ZNF687: variants seen among roughly 807,000 people sequenced by gnomAD.
ZNF687 encodes zinc finger protein 687.
A neutral mutation model predicts 71.8 loss-of-function variants in ZNF687; 13 were observed. The observed-to-expected ratio is 0.18, with a 90% CI of 0.12 to 0.29. The LOEUF is 0.29. Ranked by LOEUF, ZNF687 falls within the 10% of genes least tolerant of loss-of-function variation. The pLI, the probability that ZNF687 is intolerant of heterozygous loss-of-function variation, is 1.00. For missense variants in ZNF687, 1,412 were observed against 1,625.6 expected (o/e 0.87, Z 2.26); for synonymous variants, 673 against 641.6 (o/e 1.05, Z -0.74).
At position 151,287,063 on chromosome 1, in the gene ZNF687, G is replaced by A; in HGVS notation, c.772G>A (p.Ala258Thr). 6.2e-7 allele frequency: 1 copy of A among 1,611,972 alleles called. No homozygotes were observed. The highest frequency in any genetic ancestry group is 1.1e-5 in the South Asian group (1 of 91,006). ...TGCCAGTGCCTCGCCTCCCCCAGTT[G>A]CTGGGGTGCCCTTCTTCAAGCAGTC... ...IPASASPPPV[A>T]GVPFFKQSPG... The change falls in exon 2 of 9, where the codon GCT becomes ACT. Residue 258 changes from alanine (A) to threonine (T), a missense_variant. This residue lies in a region of ZNF687 where 490 missense variants were observed against 489.9 expected (regional missense o/e 1.00). Transcript: ENST00000336715. This position sits in a 1 kb window ranked among gnomAD's most constrained non-coding sequence, Gnocchi z 5.0.
At position 151,286,840 on chromosome 1, in the gene ZNF687, T is replaced by C. The variant is rs1012616032; in HGVS notation, c.549T>C (p.Ser183=). 6.2e-7 allele frequency: 1 copy of C among 1,613,828 alleles called. No individual in the cohort carries two copies. The highest frequency in any genetic ancestry group is 1.3e-5 in the African/African-American group (1 of 74,932). The part of the protein sequence containing the change: ...HSDPLPPSAP[S]PTREGALTPP... ...ATCCGCTGCCTCCCTCTGCACCCTC[T>C]CCCACTCGGGAGGGGGCTCTGACCC... Residue 183 remains serine, a synonymous_variant, in exon 2 of 9, where the codon TCT becomes TCC. Coordinates refer to ENST00000336715, the MANE Select transcript of ZNF687 (RefSeq NM_020832.3).
intron 1 of ZNF687, chr1:151,283,927 G>C: frequency 1.0e-6 from 1 of 985,412 alleles, no homozygotes; most frequent in Non-Finnish European, 1.2e-6. Flanking sequence ...GCAGGGAATG[G>C]ATAGGGATAG....
intron 1 of ZNF687, among the ~76,000 whole-genome samples, chr1:151,282,879 A>C (rs1693778266): frequency 6.6e-6 from 1 of 152,022 alleles, no homozygotes; most frequent in Non-Finnish European, 1.5e-5. Context: ...AGCCTCCGGG[A>C]GTGCGCGGCG....
rs1694010786 is a variant in ZNF687 at position 151,287,647 on chromosome 1, T to A, written c.1356T>A (p.Ala452=). 6.2e-7 allele frequency: 1 copy of A among 1,613,230 alleles called. No individual in the cohort carries two copies. The highest frequency in any genetic ancestry group is 8.5e-7 in the Non-Finnish European group (1 of 1,179,664). ...TGGTGCCCCAAGCCCTGCCTAAGGC[T>A]GACGGGCGGGCAGGGCTGGGGACTG... ...LGLVPQALPK[A]DGRAGLGTGG... The change falls in exon 2 of 9, where the codon GCT becomes GCA. Residue 452 remains alanine (A), a synonymous_variant. Coordinates refer to ENST00000336715, the MANE Select transcript of ZNF687 (RefSeq NM_020832.3). The surrounding 1 kb of genome is among the most constrained non-coding windows in gnomAD (Gnocchi z 5.0).
At chr1:151,281,522 G>A (rs962360184), upstream of ZNF687, 5 of 470,930 alleles carry the variant, frequency 1.1e-5, no homozygotes, top group Non-Finnish European at 1.8e-5. Context: ...CCCCGCTTCC[G>A]GTCCGCGAGC....
chr1:151,286,999 A>G lies in ZNF687; in HGVS notation c.708A>G (p.Gln236=), dbSNP rs1400939748. 5 of 1,602,076 alleles carry G rather than the reference A, an allele frequency of 3.1e-6. No individual in the cohort carries two copies. The highest frequency in any genetic ancestry group is 2.6e-6 in the Non-Finnish European group (3 of 1,172,500). ...CSPHHPQVLA[Q]QGSGSSPKAT... is the part of the protein sequence containing the mutation. ...CCCATCATCCCCAGGTCCTAGCCCA[A>G]CAAGGCTCAGGCTCCAGCCCTAAGG... Residue 236 remains glutamine (Q), a synonymous_variant, in exon 2 of 9, where the codon CAA becomes CAG. Transcript: ENST00000336715.
At chr1:151,290,372 A>G (rs2101885537) in intron 7 of ZNF687, 60 bp from the exon 8 acceptor site, 1 of 1,613,208 alleles carries the variant, frequency 6.2e-7, no homozygotes, top group South Asian at 1.1e-5. Flanking sequence ...CCTCCTCAGA[A>G]GCAAGGGCCC....
In ZNF687 at chr1:151,282,349, G is replaced by C; in HGVS notation, c.-64G>C. ...GGCGGCGGTGGCTGCAGCGGCTGGA[G>C]CGGGGTAGAGACCGCCGGGTCTCGG... On this transcript the variant is annotated 5_prime_UTR_variant, in exon 1 of 9. Coordinates refer to ENST00000336715, the MANE Select transcript of ZNF687 (RefSeq NM_020832.3). 1.0e-6 allele frequency: 1 copy of C among 999,652 alleles called. No individual in the cohort carries two copies. Among genetic ancestry groups the C allele is most frequent in the Non-Finnish European group, 1.2e-6 (1 of 836,560 alleles). 61.9% of individuals were successfully genotyped at this position (999,652 alleles called of 1,614,324 possible). A position where few individuals can be genotyped will look rare whatever the true frequency, so the allele number is the denominator to read the frequency against.
chr1:151,289,620 G>A (rs1215281340), intron 5 of ZNF687, 58 bp from the exon 6 acceptor site: 2 of 1,604,716 alleles, frequency 1.2e-6, no homozygotes, highest in East Asian at 4.5e-5. Flanking sequence ...GAAGTGGGGG[G>A]CTTTGGCATA....
intron 1 of ZNF687, among the ~76,000 whole-genome samples, chr1:151,284,449 C>T (rs1041521557): frequency 6.6e-6 from 1 of 152,142 alleles, no homozygotes; most frequent in Non-Finnish European, 1.5e-5. Flanking sequence ...TCCCCTCTGT[C>T]TCTTCTCTTT....
In ZNF687 at chr1:151,287,104, C is replaced by T. The variant is rs763271502; in HGVS notation, c.813C>T (p.Ser271=). Residue 271 remains serine, a synonymous_variant, in exon 2 of 9, where the codon AGC becomes AGT. Transcript: ENST00000336715. The surrounding 1 kb of genome is among the most constrained non-coding windows in gnomAD (Gnocchi z 5.0). ...TCAAGCAGTCTCCAGGGCACCAGAG[C>T]CCTCTTGCCTCCCCCAAAGTGCCCG... ...PFFKQSPGHQ[S]PLASPKVPVC... The T allele has an allele frequency of 6.2e-7, 1 of 1,613,854 alleles. No homozygotes were observed. The highest frequency in any genetic ancestry group is 1.3e-5 in the African/African-American group (1 of 74,908).
In ZNF687 at chr1:151,291,280, C is replaced by G. The variant is rs587724226; in HGVS notation, c.*71C>G. ...TTTTCCCTACTGCTGCCTGATCCCT[C>G]GGCTGGGGAGTTTTCATTAACATTA... On this transcript the variant is annotated 3_prime_UTR_variant, in exon 9 of 9. Transcript: ENST00000336715. 33 of 1,509,520 alleles carry G rather than the reference C, an allele frequency of 2.2e-5. 1 individual carries two copies. In the African/African-American group the frequency reaches 4.5e-4, roughly 20 times the overall value. The allele number at this position is 1,509,520 out of a possible 1,614,324, so 93.5% of individuals were successfully genotyped here.
chr1:151,284,389 C>A, intron 1 of ZNF687: 1 of 429,654 alleles, frequency 2.3e-6, no homozygotes. Flanking sequence ...GTGTTTGTGA[C>A]AGGAGAGGTC....
rs764664257 is a variant in ZNF687 at position 151,288,694 on chromosome 1, G to A, written c.2282G>A (p.Arg761His). The A allele has an allele frequency of 1.1e-5, 17 of 1,612,754 alleles. No homozygotes were observed. The highest frequency in any genetic ancestry group is 1.2e-5 in the Non-Finnish European group (14 of 1,179,250). ...LREACLHVSR[R>H]VGYRCPSCSV... Reference sequence around the variant, plus strand: ...GAGGCCTGTCTGCACGTCTCTCGCCGTGTAGGATACAGGTGCCTCGGACCC... The same window carrying A: ...GAGGCCTGTCTGCACGTCTCTCGCCATGTAGGATACAGGTGCCTCGGACCC... Residue 761 changes from arginine to histidine, a missense_variant, in exon 3 of 9, where the codon CGT becomes CAT. Coordinates refer to ENST00000336715, the MANE Select transcript of ZNF687 (RefSeq NM_020832.3).
rs1256611886 is a variant in ZNF687 at position 151,289,188 on chromosome 1, C to T, written c.2388C>T (p.Ile796=). ...SHCEVFHKCP[I]CPMAFKSGPS... The stretch of plus-strand genomic sequence containing the variant: ...GCGAGGTTTTCCACAAGTGCCCCAT[C>T]TGCCCCATGGCCTTCAAGTCTGGGC... The change falls in exon 4 of 9, where the codon ATC becomes ATT. Residue 796 remains isoleucine, a synonymous_variant. Transcript: ENST00000336715. 2 of 1,614,246 alleles carry T rather than the reference C, an allele frequency of 1.2e-6. No individual in the cohort carries two copies. Among genetic ancestry groups the T allele is most frequent in the South Asian group, 1.1e-5 (1 of 91,090 alleles).
At chr1:151,283,943 T>G in intron 1 of ZNF687, 2 of 985,412 alleles carry the variant, frequency 2.0e-6, no homozygotes, top group Non-Finnish European at 2.4e-6. Context: ...GATAGACTCT[T>G]TAGTTGCTTC....
In ZNF687 at chr1:151,291,529, A is replaced by C. The variant is rs1006066282; in HGVS notation, c.*320A>C. 5.0e-5 allele frequency: 14 copies of C among 277,536 alleles called. No individual in the cohort carries two copies. The Admixed American group carries it at 5.4e-4, about 11-fold the overall frequency. The allele number at this position is 277,536 out of a possible 1,614,324, so 17.2% of individuals were successfully genotyped here. A position where few individuals can be genotyped will look rare whatever the true frequency, so the allele number is the denominator to read the frequency against. On this transcript the variant is annotated 3_prime_UTR_variant, in exon 9 of 9. Transcript: ENST00000336715. ...TGGGACTTAGGTATGCCTGCTAGAC[A>C]GGTTCAGGGAAGGACTGATGGGGGT... is the stretch of plus-strand genomic sequence containing the variant.
intron 1 of ZNF687, chr1:151,283,707 A>C: frequency 2.1e-6 from 1 of 484,746 alleles, no homozygotes; most frequent in Non-Finnish European, 2.7e-6. Context: ...CTTAGGAGCC[A>C]GGCCTATAGA....
chr1:151,287,673 G>C lies in ZNF687; in HGVS notation c.1382G>C (p.Gly461Ala). The C allele has an allele frequency of 6.2e-7, 1 of 1,613,492 alleles. No homozygotes were observed. Residue 461 changes from glycine (G) to alanine (A), a missense_variant, in exon 2 of 9, where the codon GGG becomes GCG. Around this residue, in one of 8 missense-constraint regions of ZNF687, gnomAD observed 133 missense variants for 155.1 expected, o/e 0.86. Transcript: ENST00000336715. The surrounding 1 kb of genome is among the most constrained non-coding windows in gnomAD (Gnocchi z 5.0). ...GACGGGCGGGCAGGGCTGGGGACTGGGGGACAGAAGGTGAATGGTGCCTCG... is the reference window on the plus strand; with the variant it reads ...GACGGGCGGGCAGGGCTGGGGACTGCGGGACAGAAGGTGAATGGTGCCTCG... ...KADGRAGLGT[G>A]GQKVNGASVV...
Sources: gnomAD v4.1 joint callset for allele counts (sites outside exome capture counted in the v4.1 genomes callset) on GRCh38, gnomAD v4.1.1 for gene constraint, gnomAD v4.1.1 regional missense constraint, Gnocchi (gnomAD v3.1) non-coding constraint, MANE v1.5 for transcripts, NCBI Gene and HGNC (gene_info 2026-07-23, HGNC 2026-07-21) for gene names.